Variants in MAGI2 observed in about 807,000 individuals in gnomAD.
MAGI2 encodes membrane associated guanylate kinase, WW and PDZ domain containing 2.
In MAGI2, 35 loss-of-function variants were observed where a neutral mutation model predicts 133.3. The ratio of observed to expected loss-of-function variants is 0.26; its 90% confidence interval spans 0.20 to 0.35. The LOEUF (loss-of-function observed/expected upper bound fraction) is 0.35, where lower values mean the gene tolerates loss of function less well. Ranked by LOEUF, MAGI2 falls within the 10% of genes least tolerant of loss-of-function variation. The pLI is 1.00. For synonymous variants in MAGI2, 729 were observed against 710.6 expected (o/e 1.03, Z -0.41); for missense variants, 1,636 against 1,863.4 (o/e 0.88, Z 2.25).
At chr7:78,323,385 G>A (rs1301911063) in intron 9 of MAGI2, among the ~76,000 whole-genome samples, 1 of 152,134 alleles carries the variant, frequency 6.6e-6, no homozygotes, top group Non-Finnish European at 1.5e-5. Context: ...TGTTTGGATT[G>A]GCATAAAATT....
intron 2 of MAGI2, among the ~76,000 whole-genome samples, chr7:78,863,172 A>G (rs992897649): frequency 6.6e-6 from 1 of 152,278 alleles, no homozygotes; most frequent in Non-Finnish European, 1.5e-5. Flanking sequence ...CATGGAACAC[A>G]TAAGAAACAG....
intron 2 of MAGI2, among the ~76,000 whole-genome samples, chr7:78,901,103 C>T (rs1191249496): frequency 6.6e-6 from 1 of 152,172 alleles, no homozygotes; most frequent in Non-Finnish European, 1.5e-5. Context: ...AAACCCTTGT[C>T]CTTCCAGCAT....
chr7:79,264,626 A>G (rs558923846), intron 1 of MAGI2, among the ~76,000 whole-genome samples: 6 of 152,298 alleles, frequency 3.9e-5, no homozygotes, highest in East Asian at 3.9e-4. Context: ...AAGAGCTAAA[A>G]GAGATTAGTT....
intron 3 of MAGI2, among the ~76,000 whole-genome samples, chr7:78,582,314 C>T (rs1802917435): frequency 6.6e-6 from 1 of 152,172 alleles, no homozygotes; most frequent in Admixed American, 6.5e-5. Context: ...TGGGAAACAT[C>T]TGTGGTTGAA....
At chr7:78,082,710 A>C (rs758580489) in intron 20 of MAGI2, among the ~76,000 whole-genome samples, 1 of 152,140 alleles carries the variant, frequency 6.6e-6, no homozygotes, top group African/African-American at 2.4e-5. Context: ...TGGTTAGGTA[A>C]TGGAACGAAA....
chr7:78,889,664 A>G (rs1470906462), intron 2 of MAGI2, among the ~76,000 whole-genome samples: 1 of 152,210 alleles, frequency 6.6e-6, no homozygotes, highest in African/African-American at 2.4e-5. Context: ...AATACTTTAC[A>G]GACAAGCAAA....
intron 1 of MAGI2, among the ~76,000 whole-genome samples, chr7:79,216,276 C>G (rs565787530): frequency 1.1e-4 from 17 of 151,988 alleles, no homozygotes; most frequent in African/African-American, 3.9e-4. Context: ...CCACTCCATC[C>G]CCTTTGTAGC....
intron 2 of MAGI2, among the ~76,000 whole-genome samples, chr7:78,680,573 A>G (rs1815537679): frequency 6.6e-6 from 1 of 152,198 alleles, no homozygotes; most frequent in Admixed American, 6.5e-5. Context: ...CTTCTTATCC[A>G]CTTCCTGCTT....
intron 1 of MAGI2, among the ~76,000 whole-genome samples, chr7:79,446,980 T>C (rs1195659042): frequency 2.0e-5 from 3 of 151,958 alleles, no homozygotes; most frequent in African/African-American, 7.2e-5. Flanking sequence ...AGTGAAAAAA[T>C]AAAAGTACAT....
At chr7:79,045,048 A>G (rs141283872) in intron 1 of MAGI2, among the ~76,000 whole-genome samples, 1,648 of 152,338 alleles carry the variant, frequency 0.011, 12 homozygotes, top group Non-Finnish European at 0.018. Context: ...TATCCATAGA[A>G]TAGTGGGTTA....
intron 1 of MAGI2, among the ~76,000 whole-genome samples, chr7:79,310,591 T>C (rs1838205283): frequency 6.6e-6 from 1 of 152,120 alleles, no homozygotes; most frequent in Admixed American, 6.6e-5. Flanking sequence ...AGGGAGTTAG[T>C]GAAGCAGAGA....
intron 6 of MAGI2, among the ~76,000 whole-genome samples, chr7:78,474,774 A>T (rs1341372695): frequency 3.3e-5 from 5 of 151,794 alleles, no homozygotes; most frequent in Non-Finnish European, 5.9e-5. Flanking sequence ...CAAATAAAAC[A>T]GATTTGTTTT....
At chr7:78,331,170 T>C (rs115754512) in intron 9 of MAGI2, among the ~76,000 whole-genome samples, 97 of 152,186 alleles carry the variant, frequency 6.4e-4, no homozygotes, top group African/African-American at 2.2e-3. Flanking sequence ...TGGGTACATA[T>C]GGATATAAAG....
chr7:79,001,363 T>C (rs1160124810), intron 2 of MAGI2, among the ~76,000 whole-genome samples: 1 of 152,234 alleles, frequency 6.6e-6, no homozygotes, highest in East Asian at 1.9e-4. Context: ...AAGAACAGTC[T>C]TGGGAGAGAA....
intron 3 of MAGI2, among the ~76,000 whole-genome samples, chr7:78,577,976 T>G (rs1802438924): frequency 6.6e-6 from 1 of 151,992 alleles, no homozygotes. Flanking sequence ...AGGAGATATT[T>G]TTATCCTTGT....
At chr7:78,034,612 C>T in intron 21 of MAGI2, among the ~76,000 whole-genome samples, 1 of 152,060 alleles carries the variant, frequency 6.6e-6, no homozygotes, top group Non-Finnish European at 1.5e-5. Context: ...ACTGCAACCT[C>T]TGCCTCCCGG....
At chr7:78,158,061 ATTAACT>A (rs1351337337) in intron 16 of MAGI2, 2 of 152,128 alleles carry the variant, frequency 1.3e-5, no homozygotes, top group African/African-American at 4.8e-5. Context: ...TTTTGATAAC[ATTAACT>A]TTATCACATA....
chr7:79,007,773 A>G (rs1376122120), intron 1 of MAGI2, among the ~76,000 whole-genome samples: 2 of 152,142 alleles, frequency 1.3e-5, no homozygotes, highest in African/African-American at 4.8e-5. Flanking sequence ...AAGTTAAAGA[A>G]GAAAAACCTA....
intron 1 of MAGI2, among the ~76,000 whole-genome samples, chr7:79,434,226 C>T (rs997047413): frequency 2.0e-5 from 3 of 151,980 alleles, no homozygotes; most frequent in Non-Finnish European, 4.4e-5. Flanking sequence ...TGTCATCCTG[C>T]CTCCATCATT....
Sources: gnomAD v4.1 joint callset for allele counts (sites outside exome capture counted in the v4.1 genomes callset) on GRCh38, gnomAD v4.1.1 for gene constraint, MANE v1.5 for transcripts, NCBI Gene and HGNC (gene_info 2026-07-23, HGNC 2026-07-21) for gene names.